The following AMOTL2 variants were observed in gnomAD, a reference collection of about 807,000 sequenced individuals.
AMOTL2 encodes the protein angiomotin like 2.
AMOTL2 carries 33 observed loss-of-function variants against 78.4 expected under a neutral mutation model. The ratio of observed to expected loss-of-function variants is 0.42; its 90% CI spans 0.32 to 0.56. The LOEUF (loss-of-function observed/expected upper bound fraction) is 0.56, where lower values mean the gene tolerates loss of function less well. Ranked by LOEUF, AMOTL2 falls within the 20% of genes least tolerant of loss-of-function variation. AMOTL2 has a pLI of 0.12. For synonymous variants in AMOTL2, 422 were observed against 428.8 expected (o/e 0.98, Z 0.20); for missense variants, 983 against 1,030.1 (o/e 0.95, Z 0.63).
At chr3:134,365,549 G>A (rs576227779) in intron 5 of AMOTL2, among the ~76,000 whole-genome samples, 45 of 152,340 alleles carry the variant, frequency 3.0e-4, no homozygotes, top group African/African-American at 9.4e-4. Context: ...GGTCAGCACC[G>A]AAGCTCAGCA....
rs753034891 is a variant in AMOTL2, at chr3:134,370,834, AGGGGGGCCCCTCAGT to A, written c.585_599del (p.Leu196_Pro200del). 20 of 1,592,502 alleles carry A rather than the reference AGGGGGGCCCCTCAGT, an allele frequency of 1.3e-5. No individual in the cohort carries two copies. In the East Asian group the frequency reaches 1.6e-4, roughly 13 times the overall value. ...GTCCTCGGGACTCTGGGCCCTCAGC[AGGGGGGCCCCTCAGT>A]GGGGGGCCCTGCTGGTTGCGGGCCA... On this transcript the variant is annotated inframe_deletion, in exon 2 of 10. Coordinates refer to ENST00000249883, the MANE Select transcript of AMOTL2 (RefSeq NM_016201.4).
intron 5 of AMOTL2, among the ~76,000 whole-genome samples, chr3:134,362,233 T>C (rs887271370): frequency 6.6e-6 from 1 of 152,172 alleles, no homozygotes; most frequent in African/African-American, 2.4e-5. Context: ...TGTGACATGG[T>C]CCTCCTTCCA....
At position 134,361,694 on chromosome 3, in the gene AMOTL2, C is replaced by T; in HGVS notation, c.1393G>A (p.Ala465Thr). The change falls in exon 6 of 10, where the codon GCG becomes ACG. Residue 465 changes from alanine (A) to threonine (T), a missense_variant. Coordinates refer to ENST00000249883, the MANE Select transcript of AMOTL2 (RefSeq NM_016201.4). ...AELLEQALGN[A>T]QGRAARAEEE... is the part of the protein sequence containing the mutation. ...TCGGCTCGAGCTGCCCGGCCCTGCG[C>T]ATTGCCCAGAGCCTGCTCCAGCAGC... The T allele has an allele frequency of 6.2e-7, 1 of 1,611,350 alleles. No individual in the cohort carries two copies. The highest frequency in any genetic ancestry group is 8.5e-7 in the Non-Finnish European group (1 of 1,179,788).
chr3:134,367,566 C>A lies in AMOTL2; in HGVS notation c.972G>T (p.Leu324=). The A allele has an allele frequency of 6.2e-7, 1 of 1,613,436 alleles. No homozygotes were observed. The highest frequency in any genetic ancestry group is 1.1e-5 in the South Asian group (1 of 91,046). The change falls in exon 3 of 10, where the codon CTG becomes CTT. Residue 324 remains leucine (L), a synonymous_variant. Coordinates refer to ENST00000249883, the MANE Select transcript of AMOTL2 (RefSeq NM_016201.4). ...MEAVLRENAR[L]QRDNERLQRE... is the part of the protein sequence containing the mutation. ...TCTGCAGCCGCTCATTGTCTCTCTG[C>A]AGCCTGGCATTCTCCCTCAGCACGG...
intron 7 of AMOTL2, 132 bp from the exon 8 acceptor site, chr3:134,359,635 G>T: frequency 1.4e-6 from 1 of 719,394 alleles, no homozygotes; most frequent in Non-Finnish European, 2.3e-6. Flanking sequence ...ATCCTTCTGT[G>T]CTTGTAGCAG....
rs78019276 is a variant in AMOTL2 at position 134,356,223 on chromosome 3, T to C, written c.*1482A>G. On this transcript the variant is annotated 3_prime_UTR_variant, in exon 10 of 10. Coordinates refer to ENST00000249883, the MANE Select transcript of AMOTL2 (RefSeq NM_016201.4). ...GGGTAGGGGAATTTTTTAAAAAAAA[T>C]TGCAATTGTCCAGCAAATGCAAATG... 9.2e-3 allele frequency: 1,408 copies of C among 152,598 alleles called. 15 individuals are homozygous for C. The highest frequency in any genetic ancestry group is 0.013 in the Non-Finnish European group (907 of 68,024). The allele number at this position is 152,598 out of a possible 1,614,324, so 9.5% of individuals were successfully genotyped here.
Position 134,357,605 on chromosome 3 carries a change from AG to A in AMOTL2, c.*99del. ...TGGGAATGAGTGTCTGGCTGGGGAA[AG>A]GGACGGAGCAGCGGTTGACGGGGCT... On this transcript the variant is annotated 3_prime_UTR_variant, in exon 10 of 10. Transcript: ENST00000249883. 8.2e-7 allele frequency: 1 copy of A among 1,225,270 alleles called. No individual in the cohort carries two copies. The highest frequency in any genetic ancestry group is 2.0e-4 in the Middle Eastern group (1 of 4,922). The allele number at this position is 1,225,270 out of a possible 1,614,324, so 75.9% of individuals were successfully genotyped here. A position where few individuals can be genotyped will look rare whatever the true frequency, so the allele number is the denominator to read the frequency against.
chr3:134,374,941 C>CG (rs571878161), upstream of AMOTL2: 1 of 1,261,036 alleles, frequency 7.9e-7, no homozygotes, highest in African/African-American at 1.7e-5. Flanking sequence ...GTGTGTGTAC[C>CG]GGGGGAGGTG....
Position 134,366,350 on chromosome 3 carries a change from C to T in AMOTL2, c.1119G>A (p.Glu373=). ...TGTCCATCTTGTTCCGCATGGTCTT[C>T]TCCAGGGCCTCACGCTTGGAGGAGG... ...TRASSKREAL[E]KTMRNKMDSE... is the part of the protein sequence containing the mutation. The change falls in exon 4 of 10, where the codon GAG becomes GAA. Residue 373 remains glutamate, a synonymous_variant. Transcript: ENST00000249883. 6.2e-7 allele frequency: 1 copy of T among 1,614,226 alleles called. No individual in the cohort carries two copies. The highest frequency in any genetic ancestry group is 1.1e-5 in the South Asian group (1 of 91,084).
intron 2 of AMOTL2, among the ~76,000 whole-genome samples, chr3:134,368,601 C>T (rs908815671): frequency 6.6e-5 from 10 of 152,302 alleles, no homozygotes; most frequent in Admixed American, 4.6e-4. Flanking sequence ...TTGAGGATGA[C>T]GCTATGTAAG....
Position 134,360,236 on chromosome 3 carries a change from C to A in AMOTL2, c.1753G>T (p.Asp585Tyr), listed in dbSNP as rs772288782. Residue 585 changes from aspartate to tyrosine, a missense_variant, in exon 7 of 10, where the codon GAT becomes TAT. By Grantham distance (160) the Asp-to-Tyr change is radical (BLOSUM62 -3). Transcript: ENST00000249883. The stretch of plus-strand genomic sequence containing the variant: ...TGAGCAGCAGCCGTGGCAGCCGCAT[C>A]CATGGCAAACTGCCTCATGGCACGT... The part of the protein sequence containing the change: ...EERAMRQFAM[D>Y]AAATAAAQRD... 1 of 1,614,192 alleles carries A rather than the reference C, an allele frequency of 6.2e-7. No homozygotes were observed. The highest frequency in any genetic ancestry group is 8.5e-7 in the Non-Finnish European group (1 of 1,180,020).
chr3:134,368,904 G>A (rs2017728344), intron 2 of AMOTL2, among the ~76,000 whole-genome samples: 1 of 152,072 alleles, frequency 6.6e-6, no homozygotes, highest in East Asian at 1.9e-4. Flanking sequence ...GGCCTTCCTG[G>A]GACCTTGTGA....
intron 1 of AMOTL2, chr3:134,373,904 C>A (rs1441522140): frequency 2.2e-6 from 2 of 917,792 alleles, no homozygotes; most frequent in Non-Finnish European, 2.6e-6. Context: ...CCAAGGAAGA[C>A]AAAGAGGAAT....
At chr3:134,361,133 T>C (rs2017339738) in intron 6 of AMOTL2, among the ~76,000 whole-genome samples, 1 of 151,752 alleles carries the variant, frequency 6.6e-6, no homozygotes, top group Non-Finnish European at 1.5e-5. Context: ...TTCGCGCCAC[T>C]GCACTCCAGC....
In AMOTL2 at chr3:134,360,144, C is replaced by A. The variant is rs1350703452; in HGVS notation, c.1845G>T (p.Leu615=). Residue 615 remains leucine (L), a synonymous_variant, in exon 7 of 10, where the codon CTG becomes CTT. Transcript: ENST00000249883. Reference sequence around the variant, plus strand: ...CCTGATGCCTGTGGCCACCAGTGAGCAGACCCTCATTGAAGCTGCTGCTGG... The same window carrying A: ...CCTGATGCCTGTGGCCACCAGTGAGAAGACCCTCATTGAAGCTGCTGCTGG... The part of the protein sequence containing the change: ...PSPSSSFNEG[L]LTGGHRHQEM... 2.5e-6 allele frequency: 4 copies of A among 1,613,450 alleles called. No individual in the cohort carries two copies. The highest frequency in any genetic ancestry group is 3.4e-6 in the Non-Finnish European group (4 of 1,179,510).
chr3:134,362,934 T>A (rs972834040), intron 5 of AMOTL2, among the ~76,000 whole-genome samples: 2 of 152,182 alleles, frequency 1.3e-5, no homozygotes, highest in African/African-American at 2.4e-5. Flanking sequence ...TCTGATTCAG[T>A]GGAATTTTCT....
At chr3:134,365,941 T>G (rs1038408834) in intron 4 of AMOTL2, 32 bp from the exon 5 acceptor site, 1 of 1,605,134 alleles carries the variant, frequency 6.2e-7, no homozygotes. Flanking sequence ...TGTTTTAGTG[T>G]CAGGTGAAGC....
rs2017814293 is a variant in AMOTL2, at chr3:134,370,819, C to G, written c.615G>C (p.Glu205Asp). 6.3e-7 allele frequency: 1 copy of G among 1,579,788 alleles called. No homozygotes were observed. The highest frequency in any genetic ancestry group is 1.4e-5 in the African/African-American group (1 of 73,920). The change falls in exon 2 of 10, where the codon GAG (glutamate) becomes GAC (aspartate). Residue 205 changes from glutamate to aspartate, a missense_variant. Transcript: ENST00000249883. ...PLRGPPAEGP[E>D]SRGPPPQYPH... ...GGTACTGAGGTGGGGGTCCTCGGGA[C>G]TCTGGGCCCTCAGCAGGGGGGCCCC...
At chr3:134,362,772 C>G (rs2017429053) in intron 5 of AMOTL2, among the ~76,000 whole-genome samples, 1 of 152,236 alleles carries the variant, frequency 6.6e-6, no homozygotes. Context: ...GATGTTCTAG[C>G]CTTAAATCCA....
Sources: allele counts gnomAD v4.1 joint callset (sites outside exome capture counted in the v4.1 genomes callset), GRCh38; gene constraint gnomAD v4.1.1; transcripts MANE v1.5; gene names NCBI Gene and HGNC (gene_info 2026-07-23, HGNC 2026-07-21).